Variants in RIC1 observed in about 807,000 individuals in gnomAD.
RIC1 encodes RIC1 partner of RAB6A GEF complex, also known as guanine nucleotide exchange factor subunit RIC1.
In RIC1, 88 loss-of-function variants were observed where a neutral mutation model predicts 169.0. The observed-to-expected ratio is 0.52, with a 90% confidence interval of 0.44 to 0.62. The LOEUF is 0.62. Ranked by LOEUF, RIC1 falls within the 20% of genes least tolerant of loss-of-function variation. The pLI is 0.00. For missense variants in RIC1, 1,877 were observed against 1,725.5 expected (o/e 1.09, Z -1.56); for synonymous variants, 790 against 601.5 (o/e 1.31, Z -4.59).
intron 6 of RIC1, among the ~76,000 whole-genome samples, chr9:5,724,951 C>T (rs1393097315): frequency 6.6e-5 from 10 of 152,212 alleles, no homozygotes; most frequent in South Asian, 2.1e-4. Context: ...CTGCTGGATT[C>T]GGTTTGCCAG....
At chr9:5,702,612 C>G (rs1822299075) in intron 3 of RIC1, among the ~76,000 whole-genome samples, 1 of 152,120 alleles carries the variant, frequency 6.6e-6, no homozygotes, top group Admixed American at 6.5e-5. Flanking sequence ...CATCTCGGCT[C>G]ACTGCAACCT....
chr9:5,700,781 A>G (rs1430767777), intron 3 of RIC1, among the ~76,000 whole-genome samples: 1 of 152,206 alleles, frequency 6.6e-6, no homozygotes, highest in Non-Finnish European at 1.5e-5. Context: ...CAGATCACTT[A>G]AAACTTCCTA....
intron 6 of RIC1, among the ~76,000 whole-genome samples, chr9:5,724,582 A>G (rs1823832645): frequency 6.6e-6 from 1 of 152,290 alleles, no homozygotes; most frequent in Non-Finnish European, 1.5e-5. Context: ...TCTGGCCAGA[A>G]CTTCCAACAC....
chr9:5,675,382 AAGGC>A (rs1820380265), intron 2 of RIC1, among the ~76,000 whole-genome samples: 2 of 152,214 alleles, frequency 1.3e-5, no homozygotes, highest in Non-Finnish European at 2.9e-5. Context: ...TTAAAAGTAG[AAGGC>A]AAAGAATTGA....
chr9:5,689,047 T>TC (rs1424557327), intron 2 of RIC1, among the ~76,000 whole-genome samples: 6 of 128,454 alleles, frequency 4.7e-5, no homozygotes, highest in African/African-American at 1.4e-4. Context: ...ACAATTTCTT[T>TC]TTTTTTTTTT....
At chr9:5,685,103 A>G (rs1425191562) in intron 2 of RIC1, among the ~76,000 whole-genome samples, 1 of 151,874 alleles carries the variant, frequency 6.6e-6, no homozygotes, top group Non-Finnish European at 1.5e-5. Context: ...AGAACTACAA[A>G]CCACTGCTCA....
rs77907056 is a variant in RIC1, at chr9:5,731,401, G to A, written c.721-987G>A. Among the ~76,000 whole-genome samples the A allele has an allele frequency of 9.7e-3, 1,473 of 152,188 alleles. 35 individuals are homozygous for A. Among genetic ancestry groups the A allele is most frequent in the African/African-American group, 0.034 (1,412 of 41,542 alleles). On this transcript the variant is annotated intron_variant, in intron 6 of 25. Coordinates refer to ENST00000414202, the MANE Select transcript of RIC1 (RefSeq NM_020829.4). ...ATTCCTACTAAAGCAAAGATTCCGTGTTTAGATAGTAGATTATATAGCTGA... is the reference window on the plus strand; with the variant it reads ...ATTCCTACTAAAGCAAAGATTCCGTATTTAGATAGTAGATTATATAGCTGA...
intron 2 of RIC1, among the ~76,000 whole-genome samples, chr9:5,659,159 T>C (rs892089922): frequency 6.6e-6 from 1 of 152,178 alleles, no homozygotes; most frequent in Non-Finnish European, 1.5e-5. Flanking sequence ...AGAACTATTC[T>C]TTTCCCATTG....
At chr9:5,676,047 T>C (rs1586924786) in intron 2 of RIC1, among the ~76,000 whole-genome samples, 1 of 152,210 alleles carries the variant, frequency 6.6e-6, no homozygotes, top group African/African-American at 2.4e-5. Context: ...AAATTTATAG[T>C]TTAAATGATA....
intron 1 of RIC1, among the ~76,000 whole-genome samples, chr9:5,632,792 G>A (rs1817779507): frequency 6.6e-6 from 1 of 152,036 alleles, no homozygotes; most frequent in African/African-American, 2.4e-5. Flanking sequence ...CTGTACTGAG[G>A]GCCCAGAATT....
intron 1 of RIC1, among the ~76,000 whole-genome samples, chr9:5,653,829 C>T (rs746512687): frequency 1.3e-5 from 2 of 152,080 alleles, no homozygotes. Flanking sequence ...AACTTTTGAC[C>T]TGGTGATCTG....
In RIC1 at chr9:5,690,055, T is replaced by C. The variant is rs1172103304; in HGVS notation, c.332+17T>C. On this transcript the variant is annotated intron_variant, in intron 3 of 25. Transcript: ENST00000414202. The stretch of plus-strand genomic sequence containing the variant: ...GTATCCCAAGTAAGTTTGTTGCCTT[T>C]CATTCTTTTAATATGTGATTTGCAT... The C allele has an allele frequency of 1.3e-6, 2 of 1,521,124 alleles. No homozygotes were observed. Among genetic ancestry groups the C allele is most frequent in the South Asian group, 2.4e-5 (2 of 82,258 alleles). The allele number at this position is 1,521,124 out of a possible 1,614,324, so 94.2% of individuals were successfully genotyped here. A position where few individuals can be genotyped will look rare whatever the true frequency, so the allele number is the denominator to read the frequency against.
At chr9:5,744,501 G>C (rs2130989325) in intron 10 of RIC1, among the ~76,000 whole-genome samples, 1 of 152,182 alleles carries the variant, frequency 6.6e-6, no homozygotes, top group South Asian at 2.1e-4. Flanking sequence ...GGAACTTTTT[G>C]GATTTTGGAA....
chr9:5,674,845 TTC>T (rs1820348616), intron 2 of RIC1, among the ~76,000 whole-genome samples: 1 of 152,240 alleles, frequency 6.6e-6, no homozygotes, highest in African/African-American at 2.4e-5. Context: ...GTCACTGTGA[TTC>T]TGTTTTTTTG....
intron 2 of RIC1, among the ~76,000 whole-genome samples, chr9:5,667,328 A>C (rs1819835486): frequency 6.6e-6 from 1 of 152,170 alleles, no homozygotes; most frequent in Non-Finnish European, 1.5e-5. Flanking sequence ...TATCAGGAAA[A>C]AAACAATTTT....
Position 5,770,259 on chromosome 9 carries a change from G to C in RIC1, c.3597G>C (p.Leu1199Phe). 1 of 1,613,136 alleles carries C rather than the reference G, an allele frequency of 6.2e-7. No homozygotes were observed. The highest frequency in any genetic ancestry group is 8.5e-7 in the Non-Finnish European group (1 of 1,179,576). Residue 1199 changes from leucine to phenylalanine, a missense_variant, in exon 23 of 26, where the codon TTG becomes TTC. Coordinates refer to ENST00000414202, the MANE Select transcript of RIC1 (RefSeq NM_020829.4). Reference sequence around the variant, plus strand: ...GACCACAAATGCAAGATGCCTTCTTGTCACCTTTATCTAATAAAGGTAAAT... The same window carrying C: ...GACCACAAATGCAAGATGCCTTCTTCTCACCTTTATCTAATAAAGGTAAAT... ...SHGPQMQDAF[L>F]SPLSNKGDEC...
intron 3 of RIC1, among the ~76,000 whole-genome samples, chr9:5,702,556 T>C (rs1822293657): frequency 6.6e-6 from 1 of 151,246 alleles, no homozygotes; most frequent in African/African-American, 2.5e-5. Flanking sequence ...GTTTGTTTGT[T>C]TGAGACAGAG....
chr9:5,753,481 C>A, intron 13 of RIC1, 55 bp from the exon 14 acceptor site: 2 of 1,069,590 alleles, frequency 1.9e-6, no homozygotes, highest in Non-Finnish European at 2.8e-6. Context: ...GCTCTTTATG[C>A]CTAATAAAGT....
At chr9:5,776,795 G>C (rs918839916), downstream of RIC1, among the ~76,000 whole-genome samples, 1 of 151,864 alleles carries the variant, frequency 6.6e-6, no homozygotes, top group African/African-American at 2.4e-5. Flanking sequence ...AAAATATAAT[G>C]AAGGAATGAC....
Sources: allele counts gnomAD v4.1 joint callset (sites outside exome capture counted in the v4.1 genomes callset), GRCh38; gene constraint gnomAD v4.1.1; transcripts MANE v1.5; gene names NCBI Gene and HGNC (gene_info 2026-07-23, HGNC 2026-07-21).